Variants in PCDHA2 observed in about 807,000 individuals in gnomAD.
PCDHA2 encodes the protein protocadherin alpha 2, also known as protocadherin alpha-2.
Under a neutral mutation model 66.0 loss-of-function variants are expected in PCDHA2, and 58 were observed. That is an observed-to-expected ratio of 0.88 (90% CI 0.71 to 1.09). The LOEUF (loss-of-function observed/expected upper bound fraction) is 1.09. Among genes scored for constraint, PCDHA2 ranks in the 50% least tolerant of loss-of-function variants. PCDHA2 has a pLI of 0.00. For missense variants in PCDHA2, 1,267 were observed against 1,242.3 expected, an observed-to-expected ratio of 1.02 and a Z score of -0.30; for synonymous variants, 634 against 554.0, an observed-to-expected ratio of 1.14 and a Z score of -2.03.
At chr5:140,871,082 C>G in intron 1 of PCDHA2, 1 of 1,613,246 alleles carries the variant, frequency 6.2e-7, no homozygotes, top group South Asian at 1.1e-5. Context: ...GCGCTGACGG[C>G]CACGGCCACC....
At chr5:140,884,483 C>T (rs376374275) in intron 1 of PCDHA2, 3 of 1,613,862 alleles carry the variant, frequency 1.9e-6, no homozygotes, top group East Asian at 4.5e-5. Flanking sequence ...CAAGCCCACT[C>T]TAGTGTGCTC....
chr5:140,966,826 G>T, intron 1 of PCDHA2: 5 of 1,560,694 alleles, frequency 3.2e-6, no homozygotes, highest in Non-Finnish European at 4.3e-6. Context: ...GGCGGCCCAT[G>T]CCCTGGCTGC....
chr5:140,897,937 C>T (rs1487544322), intron 1 of PCDHA2, among the ~76,000 whole-genome samples: 7 of 152,184 alleles, frequency 4.6e-5, no homozygotes, highest in African/African-American at 1.7e-4. Flanking sequence ...CTCTGATGGC[C>T]AGTGATGATT....
chr5:140,805,863 G>A (rs1030165), intron 1 of PCDHA2, among the ~76,000 whole-genome samples: 87,659 of 151,856 alleles, frequency 0.58, 25,928 homozygotes, highest in African/African-American at 0.7. Flanking sequence ...TTAAATTAAT[G>A]CATTTTATTA....
intron 1 of PCDHA2, chr5:140,861,476 C>T: frequency 2.0e-6 from 1 of 493,226 alleles, no homozygotes; most frequent in South Asian, 1.5e-5. Flanking sequence ...TGCAGAATGG[C>T]ATTTTTGTGA....
At chr5:140,852,257 T>G (rs1417638818) in intron 1 of PCDHA2, 1 of 512,112 alleles carries the variant, frequency 2.0e-6, no homozygotes, top group Non-Finnish European at 2.6e-6. Context: ...TTTTGGAATA[T>G]GCTACAATAT....
intron 1 of PCDHA2, chr5:140,869,167 G>T (rs782094054): frequency 1.2e-6 from 2 of 1,613,864 alleles, no homozygotes; most frequent in East Asian, 4.5e-5. Flanking sequence ...TCTCCTCCTC[G>T]AATTCTGGGA....
At chr5:140,802,775 G>C in intron 1 of PCDHA2, 2 of 1,613,154 alleles carry the variant, frequency 1.2e-6, no homozygotes, top group Non-Finnish European at 1.7e-6. Context: ...TGGACCACGA[G>C]GAGCTAGAGC....
At chr5:140,954,340 G>A (rs2095020682) in intron 1 of PCDHA2, among the ~76,000 whole-genome samples, 1 of 152,176 alleles carries the variant, frequency 6.6e-6, no homozygotes, top group Non-Finnish European at 1.5e-5. Flanking sequence ...TCTGCCTCTA[G>A]ATCTTTGAGG....
At chr5:140,915,189 C>T (rs782151020) in intron 1 of PCDHA2, among the ~76,000 whole-genome samples, 21 of 152,010 alleles carry the variant, frequency 1.4e-4, no homozygotes, top group African/African-American at 4.1e-4. Context: ...CCTAGTGATC[C>T]GCCCATCTTG....
chr5:140,842,431 C>T (rs2150335989), intron 1 of PCDHA2: 4 of 1,613,646 alleles, frequency 2.5e-6, no homozygotes, highest in Non-Finnish European at 3.4e-6. Context: ...CTGTCATCGC[C>T]CTAATTAGCG....
At chr5:140,876,950 C>A in intron 1 of PCDHA2, 1 of 1,613,514 alleles carries the variant, frequency 6.2e-7, no homozygotes, top group Non-Finnish European at 8.5e-7. Context: ...GTGTCCTACT[C>A]GCTGGTGGAG....
chr5:140,922,412 G>A lies in PCDHA2; in HGVS notation c.2389-56537G>A, dbSNP rs80310986. Among the ~76,000 whole-genome samples the A allele has an allele frequency of 7.3e-3, 1,117 of 152,260 alleles. 9 individuals carry two copies. Among genetic ancestry groups the A allele is most frequent in the Non-Finnish European group, 0.011 (755 of 68,032 alleles). ...CCTTGTTTTGGATTAAAAAGATCTA[G>A]GTACAGAGGCTGAGGGCAGAACTCT... is the stretch of plus-strand genomic sequence containing the variant. On this transcript the variant is annotated intron_variant, in intron 1 of 3. Coordinates refer to ENST00000526136, the MANE Select transcript of PCDHA2 (RefSeq NM_018905.3).
chr5:140,968,489 C>T (rs1024952304), intron 1 of PCDHA2: 30 of 1,614,008 alleles, frequency 1.9e-5, no homozygotes, highest in Non-Finnish European at 2.5e-5. Context: ...CATGAATGAC[C>T]ATGCCCCTCA....
chr5:140,805,016 C>T (rs879973697), intron 1 of PCDHA2: 13 of 1,562,148 alleles, frequency 8.3e-6, no homozygotes, highest in Non-Finnish European at 1.0e-5. Context: ...CTGTTATCAG[C>T]TTCTTGAATA....
In PCDHA2 at chr5:141,010,294, C is replaced by T. The variant is rs545906858; in HGVS notation, c.*357C>T. ...TCCTGTCTTGATGACACTTGCAGGG[C>T]AGGCTGAAAAGTTTTGAGATTGAGC... On this transcript the variant is annotated 3_prime_UTR_variant, in exon 4 of 4. Coordinates refer to ENST00000526136, the MANE Select transcript of PCDHA2 (RefSeq NM_018905.3). 3.2e-6 allele frequency: 5 copies of T among 1,549,782 alleles called. No homozygotes were observed. Among genetic ancestry groups the T allele is most frequent in the Non-Finnish European group, 4.4e-6 (5 of 1,146,446 alleles).
At chr5:140,835,993 C>A (rs2150249835) in intron 1 of PCDHA2, 2 of 1,613,346 alleles carry the variant, frequency 1.2e-6, no homozygotes, top group African/African-American at 1.3e-5. Context: ...CAGGTGAGCG[C>A]GCGCGATGCG....
At position 140,829,373 on chromosome 5, in the gene PCDHA2, C is replaced by A. The variant is rs1202815393; in HGVS notation, c.2388+32021C>A. On this transcript the variant is annotated intron_variant, in intron 1 of 3. Transcript: ENST00000526136. The stretch of plus-strand genomic sequence containing the variant: ...GGCCTATGAGTTGGTGGTAACCGCG[C>A]GGGACGGGGGCTCGCCTTCGCTGTG... The A allele has an allele frequency of 4.3e-6, 7 of 1,614,082 alleles. No individual in the cohort carries two copies. In the African/African-American group the frequency reaches 6.7e-5, roughly 15 times the overall value.
intron 1 of PCDHA2, chr5:140,877,965 G>A (rs1049843517): frequency 1.8e-5 from 23 of 1,304,904 alleles, no homozygotes; most frequent in Non-Finnish European, 2.2e-5. Context: ...CATCTTTCTT[G>A]GTCATTCTTA....
Sources: allele counts gnomAD v4.1 joint callset (sites outside exome capture counted in the v4.1 genomes callset), GRCh38; gene constraint gnomAD v4.1.1; transcripts MANE v1.5; gene names NCBI Gene and HGNC (gene_info 2026-07-23, HGNC 2026-07-21).